Variants in SPOCK1 observed in about 807,000 individuals in gnomAD.
The protein encoded by SPOCK1 is testican-1.
A neutral mutation model predicts 55.3 loss-of-function variants in SPOCK1; 23 were observed. The observed-to-expected ratio is 0.42, with a 90% CI of 0.30 to 0.59. SPOCK1 has a LOEUF of 0.59. Ranked by LOEUF, SPOCK1 falls within the 20% of genes least tolerant of loss-of-function variation. The pLI is 0.22. For synonymous variants in SPOCK1, 226 were observed against 221.0 expected (o/e 1.02, Z -0.20); for missense variants, 499 against 552.5 (o/e 0.90, Z 0.97).
intron 2 of SPOCK1, among the ~76,000 whole-genome samples, chr5:137,457,357 C>T (rs920261900): frequency 4.6e-5 from 7 of 152,126 alleles, no homozygotes; most frequent in African/African-American, 1.7e-4. Flanking sequence ...TACAATATTC[C>T]TAGGCTTGAG....
chr5:137,174,802 G>C (rs765476633), intron 3 of SPOCK1, among the ~76,000 whole-genome samples: 1 of 152,198 alleles, frequency 6.6e-6, no homozygotes, highest in Non-Finnish European at 1.5e-5. Context: ...CCCTTCACCA[G>C]ACCCAGTGTT....
At chr5:137,183,644 T>G (rs1755010737) in intron 3 of SPOCK1, among the ~76,000 whole-genome samples, 1 of 152,230 alleles carries the variant, frequency 6.6e-6, no homozygotes, top group Non-Finnish European at 1.5e-5. Context: ...TAGCCACTGC[T>G]GTGGGTCATC....
intron 2 of SPOCK1, among the ~76,000 whole-genome samples, chr5:137,293,179 C>T (rs140296755): frequency 9.0e-4 from 124 of 137,846 alleles, no homozygotes; most frequent in African/African-American, 3.2e-3. Flanking sequence ...ATCTAATAAA[C>T]GAACACACAG....
At chr5:137,299,848 T>A (rs1757553789) in intron 2 of SPOCK1, among the ~76,000 whole-genome samples, 1 of 152,188 alleles carries the variant, frequency 6.6e-6, no homozygotes, top group African/African-American at 2.4e-5. Context: ...TTTTGGTTCT[T>A]AGCATTTTGG....
At chr5:137,401,786 AT>A (rs1463697370) in intron 2 of SPOCK1, among the ~76,000 whole-genome samples, 2 of 151,756 alleles carry the variant, frequency 1.3e-5, no homozygotes, top group East Asian at 3.9e-4. Context: ...AGGTTATATA[AT>A]TTTCTCAAGG....
At chr5:137,429,829 T>A (rs1752706448) in intron 2 of SPOCK1, among the ~76,000 whole-genome samples, 1 of 152,246 alleles carries the variant, frequency 6.6e-6, no homozygotes, top group African/African-American at 2.4e-5. Context: ...CAGAGATCTC[T>A]ATTCAAATCC....
chr5:137,085,406 C>T (rs2127016254), intron 5 of SPOCK1, among the ~76,000 whole-genome samples: 1 of 152,308 alleles, frequency 6.6e-6, no homozygotes, highest in Non-Finnish European at 1.5e-5. Flanking sequence ...CAGCTCAGCC[C>T]CAGTGAGATG....
At chr5:137,408,045 T>C (rs916026146) in intron 2 of SPOCK1, among the ~76,000 whole-genome samples, 1 of 152,084 alleles carries the variant, frequency 6.6e-6, no homozygotes, top group Non-Finnish European at 1.5e-5. Flanking sequence ...TTGTAGATGA[T>C]ATTTCATCTC....
chr5:137,173,841 A>G (rs1042669073), intron 3 of SPOCK1, among the ~76,000 whole-genome samples: 8 of 152,194 alleles, frequency 5.3e-5, no homozygotes, highest in African/African-American at 1.7e-4. Flanking sequence ...TAGCTTCTAT[A>G]TACCTGGCAC....
chr5:137,127,495 A>G (rs1177209514), intron 4 of SPOCK1, among the ~76,000 whole-genome samples: 1 of 152,252 alleles, frequency 6.6e-6, no homozygotes, highest in Non-Finnish European at 1.5e-5. Context: ...CCAGAAGGTG[A>G]GACTCTCACT....
chr5:137,248,999 T>C (rs1756455190), intron 3 of SPOCK1, among the ~76,000 whole-genome samples: 1 of 152,208 alleles, frequency 6.6e-6, no homozygotes, highest in Non-Finnish European at 1.5e-5. Context: ...GCCCAAAACC[T>C]TAGTGTCACC....
At chr5:137,239,245 G>A (rs1203698005) in intron 3 of SPOCK1, among the ~76,000 whole-genome samples, 5 of 152,174 alleles carry the variant, frequency 3.3e-5, no homozygotes, top group African/African-American at 1.2e-4. Context: ...GTTCTGAGGT[G>A]GTGAATGCAT....
intron 2 of SPOCK1, among the ~76,000 whole-genome samples, chr5:137,367,639 G>T (rs1370003006): frequency 6.6e-6 from 1 of 152,124 alleles, no homozygotes; most frequent in Non-Finnish European, 1.5e-5. Flanking sequence ...GCCCCTTCTA[G>T]CTCCCTGTTT....
chr5:137,295,332 C>A (rs1757458103), intron 2 of SPOCK1, among the ~76,000 whole-genome samples: 1 of 152,178 alleles, frequency 6.6e-6, no homozygotes, highest in Admixed American at 6.5e-5. Context: ...GTCACTGCCT[C>A]CATGAAAGCT....
At chr5:137,388,203 C>T (rs1580898454) in intron 2 of SPOCK1, among the ~76,000 whole-genome samples, 1 of 152,196 alleles carries the variant, frequency 6.6e-6, no homozygotes, top group African/African-American at 2.4e-5. Flanking sequence ...TTCACACACA[C>T]ATTTAACTAG....
chr5:137,092,239 T>A (rs1011807166), intron 5 of SPOCK1, among the ~76,000 whole-genome samples: 16 of 152,212 alleles, frequency 1.1e-4, no homozygotes, highest in African/African-American at 3.9e-4. Context: ...AAATACAAAA[T>A]TAATCTATAA....
intron 6 of SPOCK1, among the ~76,000 whole-genome samples, chr5:137,021,677 C>T (rs17521350): frequency 0.033 from 5,059 of 152,180 alleles, 93 homozygotes; most frequent in Non-Finnish European, 0.047. Flanking sequence ...CATCTTTCTG[C>T]GAACTAGAAA....
intron 2 of SPOCK1, among the ~76,000 whole-genome samples, chr5:137,319,730 G>A (rs923145843): frequency 3.3e-5 from 5 of 151,994 alleles, no homozygotes; most frequent in Non-Finnish European, 5.9e-5. Flanking sequence ...TGGATCATGA[G>A]GTCAGGAGAT....
At chr5:136,983,349 T>C (rs1203210138) in intron 9 of SPOCK1, among the ~76,000 whole-genome samples, 1 of 152,180 alleles carries the variant, frequency 6.6e-6, no homozygotes, top group Non-Finnish European at 1.5e-5. Context: ...TATACCAAGA[T>C]GATCATATTC....
Sources: allele counts gnomAD v4.1 joint callset (sites outside exome capture counted in the v4.1 genomes callset), GRCh38; gene constraint gnomAD v4.1.1; transcripts MANE v1.5; gene names NCBI Gene and HGNC (gene_info 2026-07-23, HGNC 2026-07-21).